Variants in FSTL5 observed in about 807,000 individuals in gnomAD.
The protein encoded by FSTL5 is follistatin-related protein 5.
A neutral mutation model predicts 89.1 loss-of-function variants in FSTL5; 62 were observed. That is an observed-to-expected ratio of 0.70 (90% CI 0.57 to 0.86). FSTL5 has a LOEUF of 0.86. Among genes scored for constraint, FSTL5 ranks in the 40% least tolerant of loss-of-function variants. The pLI is 0.00. For missense variants in FSTL5, 1,057 were observed against 1,001.6 expected (o/e 1.06, Z -0.75); for synonymous variants, 383 against 346.2 (o/e 1.11, Z -1.18).
chr4:161,573,442 G>A (rs1330182968), intron 8 of FSTL5, among the ~76,000 whole-genome samples: 1 of 145,624 alleles, frequency 6.9e-6, no homozygotes, highest in Non-Finnish European at 1.5e-5. Context: ...GAGAGAGAGA[G>A]ATAAAAGAAA....
intron 10 of FSTL5, among the ~76,000 whole-genome samples, chr4:161,530,991 T>A (rs1396818004): frequency 6.6e-6 from 1 of 152,170 alleles, no homozygotes; most frequent in Admixed American, 6.5e-5. Context: ...TATCTTCTCC[T>A]ACTCCCTGTT....
intron 7 of FSTL5, among the ~76,000 whole-genome samples, chr4:161,639,132 T>C (rs1404712827): frequency 6.6e-6 from 1 of 152,166 alleles, no homozygotes; most frequent in Non-Finnish European, 1.5e-5. Flanking sequence ...CAACATAGTG[T>C]TGGAATTCTG....
At chr4:162,039,599 T>A (rs975320997) in intron 2 of FSTL5, among the ~76,000 whole-genome samples, 1 of 151,922 alleles carries the variant, frequency 6.6e-6, no homozygotes, top group Non-Finnish European at 1.5e-5. Flanking sequence ...AAAAACGCAC[T>A]ACTTGTGATT....
At chr4:161,605,008 C>G (rs1734386927) in intron 7 of FSTL5, among the ~76,000 whole-genome samples, 1 of 152,202 alleles carries the variant, frequency 6.6e-6, no homozygotes, top group East Asian at 1.9e-4. Flanking sequence ...TAACGAGTAC[C>G]TAAATTTTCA....
chr4:161,655,777 T>C (rs1419193774), intron 7 of FSTL5, among the ~76,000 whole-genome samples: 1 of 152,076 alleles, frequency 6.6e-6, no homozygotes, highest in Non-Finnish European at 1.5e-5. Flanking sequence ...TGTAAGATAA[T>C]AGGATATTTT....
At chr4:161,527,893 C>T (rs1041554710) in intron 10 of FSTL5, among the ~76,000 whole-genome samples, 4 of 150,404 alleles carry the variant, frequency 2.7e-5, no homozygotes, top group African/African-American at 7.4e-5. Flanking sequence ...TTGGAACCAA[C>T]CCAAATGTCC....
At chr4:161,472,650 A>C (rs1010753677) in intron 13 of FSTL5, among the ~76,000 whole-genome samples, 1 of 152,264 alleles carries the variant, frequency 6.6e-6, no homozygotes, top group African/African-American at 2.4e-5. Flanking sequence ...CAATTTAAAA[A>C]AAATTCCAAT....
chr4:161,727,383 A>G (rs1201449860), intron 6 of FSTL5, among the ~76,000 whole-genome samples: 3 of 152,168 alleles, frequency 2.0e-5, no homozygotes, highest in Non-Finnish European at 4.4e-5. Context: ...ATCTACTCCT[A>G]ATTTAGATTC....
intron 15 of FSTL5, among the ~76,000 whole-genome samples, chr4:161,410,832 AAAC>A (rs949789343): frequency 3.9e-5 from 6 of 151,998 alleles, no homozygotes; most frequent in Non-Finnish European, 8.8e-5. Context: ...AAAAAGAAAA[AAAC>A]AAATAAACCC....
chr4:161,912,370 T>C (rs1344347863), intron 4 of FSTL5, among the ~76,000 whole-genome samples: 1 of 152,136 alleles, frequency 6.6e-6, no homozygotes, highest in Non-Finnish European at 1.5e-5. Context: ...AATTCCCATG[T>C]GTTGTTGGAG....
At chr4:162,054,346 A>G (rs191911149) in intron 2 of FSTL5, among the ~76,000 whole-genome samples, 1 of 151,796 alleles carries the variant, frequency 6.6e-6, no homozygotes. Flanking sequence ...ATGATGAAAC[A>G]TTAGATGCAT....
At chr4:161,918,324 G>A (rs1733894918) in intron 4 of FSTL5, among the ~76,000 whole-genome samples, 1 of 152,048 alleles carries the variant, frequency 6.6e-6, no homozygotes, top group Admixed American at 6.6e-5. Context: ...AAGTACATAA[G>A]CAAACAAAAG....
intron 4 of FSTL5, among the ~76,000 whole-genome samples, chr4:161,781,095 G>C (rs555609169): frequency 1.3e-5 from 2 of 151,826 alleles, no homozygotes; most frequent in Non-Finnish European, 2.9e-5. Context: ...AATGTATGTA[G>C]AAACTGTTTT....
intron 2 of FSTL5, among the ~76,000 whole-genome samples, chr4:162,046,542 A>G (rs1738187451): frequency 6.6e-6 from 1 of 152,012 alleles, no homozygotes; most frequent in Non-Finnish European, 1.5e-5. Context: ...TACATTCAAG[A>G]AAGTTTTCTC....
intron 8 of FSTL5, among the ~76,000 whole-genome samples, chr4:161,582,857 A>T (rs1733482320): frequency 6.6e-6 from 1 of 152,094 alleles, no homozygotes; most frequent in African/African-American, 2.4e-5. Context: ...GGATCAGTGG[A>T]AGTTATCACT....
intron 14 of FSTL5, 125 bp downstream of exon 14, chr4:161,459,087 T>C (rs954027940): frequency 1.5e-6 from 1 of 648,414 alleles, no homozygotes; most frequent in Non-Finnish European, 2.6e-6. Context: ...TGTGCCTATC[T>C]AGTTATGATT....
chr4:162,033,705 G>A (rs1373281344), intron 2 of FSTL5, 47 bp from the exon 3 acceptor site: 10 of 1,043,142 alleles, frequency 9.6e-6, no homozygotes, highest in Non-Finnish European at 1.4e-5. Flanking sequence ...GTAAATATGT[G>A]ATCAACTGTT....
intron 6 of FSTL5, among the ~76,000 whole-genome samples, chr4:161,738,798 A>AT (rs1739906722): frequency 6.6e-6 from 1 of 152,150 alleles, no homozygotes; most frequent in African/African-American, 2.4e-5. Flanking sequence ...TTATTCACAT[A>AT]TTTTTTATAA....
intron 7 of FSTL5, among the ~76,000 whole-genome samples, chr4:161,619,836 T>C (rs1336362060): frequency 2.6e-5 from 4 of 152,094 alleles, no homozygotes; most frequent in African/African-American, 9.7e-5. Flanking sequence ...ATCCCATTAC[T>C]GGGTATATAC....
Sources: gnomAD v4.1 joint callset for allele counts (sites outside exome capture counted in the v4.1 genomes callset) on GRCh38, gnomAD v4.1.1 for gene constraint, MANE v1.5 for transcripts, NCBI Gene and HGNC (gene_info 2026-07-23, HGNC 2026-07-21) for gene names.